Variants in KIAA1671 observed in about 807,000 individuals in gnomAD.
The protein encoded by KIAA1671 is KIAA1671.
In KIAA1671, 52 loss-of-function variants were observed where a neutral mutation model predicts 131.2. The observed-to-expected ratio is 0.40, with a 90% CI of 0.32 to 0.50. KIAA1671 has a LOEUF of 0.50. Among genes scored for constraint, KIAA1671 ranks in the 20% least tolerant of loss-of-function variants. The pLI is 0.73. For missense variants in KIAA1671, 2,360 were observed against 2,364.2 expected, an observed-to-expected ratio of 1.00 and a Z score of 0.04; for synonymous variants, 1,003 against 961.6, an observed-to-expected ratio of 1.04 and a Z score of -0.80.
chr22:25,037,609 A>G (rs1253873121), intron 4 of KIAA1671, among the ~76,000 whole-genome samples: 1 of 152,014 alleles, frequency 6.6e-6, no homozygotes, highest in African/African-American at 2.4e-5. Flanking sequence ...ATCTAGTTCC[A>G]GAATCTTCTA....
At position 25,028,862 on chromosome 22, in the gene KIAA1671, C is replaced by T. The variant is rs1926112343; in HGVS notation, c.863C>T (p.Thr288Met). Residue 288 changes from threonine to methionine, a missense_variant, in exon 3 of 13, where the codon ACG becomes ATG. By Grantham distance (81) the Thr-to-Met change is moderately conservative. Around this residue, in one of 3 missense-constraint regions of KIAA1671, gnomAD observed 1,185 missense variants for 1,126.2 expected, o/e 1.05. Coordinates refer to ENST00000358431, the MANE Select transcript of KIAA1671 (RefSeq NM_001145206.2). ...RKPRPLSMDL[T>M]ARFENKEALL... is the part of the protein sequence containing the mutation. ...CCCAGGCCCTTGTCCATGGACCTCA[C>T]GGCCCGGTTTGAGAACAAAGAGGCC... The T allele has an allele frequency of 4.5e-6, 7 of 1,550,758 alleles. No homozygotes were observed. The highest frequency in any genetic ancestry group is 6.1e-6 in the Non-Finnish European group (7 of 1,146,810).
intron 1 of KIAA1671, among the ~76,000 whole-genome samples, chr22:24,963,161 C>T (rs1037820735): frequency 4.0e-5 from 6 of 151,688 alleles, no homozygotes; most frequent in African/African-American, 1.5e-4. Context: ...GTCAGGAGTT[C>T]GAGACCAGCC....
intron 5 of KIAA1671, among the ~76,000 whole-genome samples, chr22:25,043,315 T>G (rs1927049490): frequency 6.6e-6 from 1 of 152,180 alleles, no homozygotes; most frequent in Non-Finnish European, 1.5e-5. Context: ...ATCTTTGGCA[T>G]ATACCTGAGT....
intron 6 of KIAA1671, among the ~76,000 whole-genome samples, chr22:25,075,702 T>TTAGCCAGGATGG (rs1929067385): frequency 6.6e-6 from 1 of 151,930 alleles, no homozygotes; most frequent in Non-Finnish European, 1.5e-5. Context: ...TTTCACCGTG[T>TTAGCCAGGATGG]TAGCCAGGAT....
At chr22:25,147,183 TTTTATTTTATTTTATTTTATTTTA>T (rs1365594153) in intron 6 of KIAA1671, among the ~76,000 whole-genome samples, 49 of 129,498 alleles carry the variant, frequency 3.8e-4, no homozygotes, top group African/African-American at 2.0e-3. Flanking sequence ...TTTTATTTTA[TTTTATTTTATTTTATTTTATTTTA>T]TTTTAGACAG....
chr22:25,002,998 C>G (rs751179667), intron 1 of KIAA1671, among the ~76,000 whole-genome samples: 1 of 152,164 alleles, frequency 6.6e-6, no homozygotes, highest in Non-Finnish European at 1.5e-5. Context: ...TCTCGAACTC[C>G]TGAGCTCAAA....
At chr22:24,972,512 C>T (rs1922677133) in intron 1 of KIAA1671, among the ~76,000 whole-genome samples, 1 of 152,190 alleles carries the variant, frequency 6.6e-6, no homozygotes, top group African/African-American at 2.4e-5. Context: ...ATATATGCAT[C>T]CATGCATCCA....
intron 4 of KIAA1671, 140 bp from the exon 5 acceptor site, chr22:25,038,620 G>A: frequency 1.1e-6 from 1 of 911,572 alleles, no homozygotes; most frequent in Non-Finnish European, 1.6e-6. Flanking sequence ...CACCCACACT[G>A]GGTGTGTTCA....
chr22:25,045,758 T>C (rs1927188033), intron 5 of KIAA1671, among the ~76,000 whole-genome samples: 2 of 151,900 alleles, frequency 1.3e-5, no homozygotes, highest in African/African-American at 4.8e-5. Context: ...CCTGGCTAAT[T>C]TTTTGTATTT....
At chr22:24,986,024 A>G (rs1923511535) in intron 1 of KIAA1671, among the ~76,000 whole-genome samples, 1 of 152,112 alleles carries the variant, frequency 6.6e-6, no homozygotes, top group African/African-American at 2.4e-5. Flanking sequence ...CGTGTGAAAG[A>G]CAGGAGTTAA....
At chr22:25,136,242 C>T (rs576032332) in intron 6 of KIAA1671, among the ~76,000 whole-genome samples, 1 of 152,122 alleles carries the variant, frequency 6.6e-6, no homozygotes, top group Admixed American at 6.5e-5. Flanking sequence ...TTAAACACCC[C>T]CTCCTCTCTC....
At chr22:25,017,183 G>T (rs1925374487) in intron 1 of KIAA1671, among the ~76,000 whole-genome samples, 1 of 152,166 alleles carries the variant, frequency 6.6e-6, no homozygotes, top group African/African-American at 2.4e-5. Context: ...AGGAGTTCAA[G>T]ACCAGCCTGG....
chr22:25,120,639 C>G (rs1289577175), intron 6 of KIAA1671, among the ~76,000 whole-genome samples: 1 of 152,198 alleles, frequency 6.6e-6, no homozygotes, highest in Admixed American at 6.5e-5. Flanking sequence ...GTAAAGAAAA[C>G]AAAGCCCACC....
intron 1 of KIAA1671, among the ~76,000 whole-genome samples, chr22:24,990,880 C>T (rs1407583935): frequency 6.6e-6 from 1 of 151,170 alleles, no homozygotes; most frequent in African/African-American, 2.4e-5. Context: ...CTGGGGAAAC[C>T]GAGGCTCGGG....
rs766494806 is a variant in KIAA1671, at chr22:25,185,069, T to A, written c.5292T>A (p.Pro1764=). Residue 1764 remains proline, a synonymous_variant, in exon 11 of 13, where the codon CCT becomes CCA. Coordinates refer to ENST00000358431, the MANE Select transcript of KIAA1671 (RefSeq NM_001145206.2). ...AGAGCCCCAAGTCCCCCTTCCAGCC[T>A]GGGGTGCTGGGCAGTCGCGTGCTGC... ...QPKSPKSPFQ[P]GVLGSRVLPS... 4.2e-5 allele frequency: 65 copies of A among 1,551,472 alleles called. No homozygotes were observed. The African/African-American group carries it at 6.7e-4, about 16-fold the overall frequency.
intron 6 of KIAA1671, among the ~76,000 whole-genome samples, chr22:25,167,596 T>C (rs1008274274): frequency 6.6e-6 from 1 of 152,330 alleles, no homozygotes; most frequent in Admixed American, 6.5e-5. Context: ...TTAAAATGTA[T>C]TCTTTGTGAT....
At position 25,038,899 on chromosome 22, in the gene KIAA1671, C is replaced by T; in HGVS notation, c.1769C>T (p.Ser590Leu). ...CCCGACAGCTGTCGCGGTGGAAGCT[C>T]AGTGGAGGCCCCGTGCCCTTCTGAC... ...QDPDSCRGGSSVEAPCPSDVT... is the reference protein window; with the variant it reads ...QDPDSCRGGSLVEAPCPSDVT... The change falls in exon 5 of 13, where the codon TCA becomes TTA. Residue 590 changes from serine to leucine, a missense_variant. Physicochemically the swap from Ser to Leu is moderately radical, Grantham distance 145. Transcript: ENST00000358431. 6.4e-7 allele frequency: 1 copy of T among 1,551,720 alleles called. No individual in the cohort carries two copies. Among genetic ancestry groups the T allele is most frequent in the Non-Finnish European group, 8.7e-7 (1 of 1,147,004 alleles).
At chr22:25,123,278 C>A (rs1932032532) in intron 6 of KIAA1671, among the ~76,000 whole-genome samples, 1 of 147,224 alleles carries the variant, frequency 6.8e-6, no homozygotes, top group African/African-American at 2.5e-5. Context: ...CTCACTGCAA[C>A]CACCCCTTCC....
At chr22:25,072,439 A>G (rs9612851) in intron 6 of KIAA1671, among the ~76,000 whole-genome samples, 17,167 of 152,268 alleles carry the variant, frequency 0.11, 1,163 homozygotes, top group Non-Finnish European at 0.15. Flanking sequence ...GTGGGTGACC[A>G]GGTCCTGGGG....
Sources: gnomAD v4.1 joint callset for allele counts (sites outside exome capture counted in the v4.1 genomes callset) on GRCh38, gnomAD v4.1.1 for gene constraint, gnomAD v4.1.1 regional missense constraint, MANE v1.5 for transcripts, NCBI Gene and HGNC (gene_info 2026-07-23, HGNC 2026-07-21) for gene names.